The following PAK2 variants were observed in gnomAD, a reference collection of about 807,000 sequenced individuals.
The protein encoded by PAK2 is serine/threonine-protein kinase PAK 2.
In PAK2, 21 loss-of-function variants were observed where a neutral mutation model predicts 65.9. That is an observed-to-expected ratio of 0.32 (90% CI 0.23 to 0.46). The LOEUF (loss-of-function observed/expected upper bound fraction) is 0.46, where lower values mean the gene tolerates loss of function less well. Ranked by LOEUF, PAK2 falls within the 20% of genes least tolerant of loss-of-function variation. The pLI is 1.00. For missense variants in PAK2, 324 were observed against 642.6 expected (o/e 0.50, Z 5.36); for synonymous variants, 204 against 219.7 (o/e 0.93, Z 0.63).
intron 4 of PAK2, among the ~76,000 whole-genome samples, chr3:196,803,940 C>T (rs1214684357): frequency 3.9e-5 from 6 of 152,112 alleles, no homozygotes; most frequent in Non-Finnish European, 5.9e-5. Flanking sequence ...GTTCATACAA[C>T]GCAGTTGGTT....
chr3:196,778,123 T>C (rs1175724248), intron 1 of PAK2, among the ~76,000 whole-genome samples: 1 of 152,194 alleles, frequency 6.6e-6, no homozygotes, highest in African/African-American at 2.4e-5. Flanking sequence ...TGGATGCCCC[T>C]GTTCCGGACA....
At chr3:196,793,655 G>C (rs1266553076) in intron 2 of PAK2, among the ~76,000 whole-genome samples, 1 of 152,168 alleles carries the variant, frequency 6.6e-6, no homozygotes, top group Non-Finnish European at 1.5e-5. Context: ...ACTGCAGCCT[G>C]TGCATACACA....
chr3:196,811,305 CTT>C (rs1174222198), intron 8 of PAK2, among the ~76,000 whole-genome samples: 1 of 65,138 alleles, frequency 1.5e-5, no homozygotes, highest in Non-Finnish European at 3.0e-5. Flanking sequence ...CCCTCCCTTC[CTT>C]CCCTTCCTTT....
chr3:196,769,392 TACATA>T (rs1253372597), intron 1 of PAK2, among the ~76,000 whole-genome samples: 1 of 152,048 alleles, frequency 6.6e-6, no homozygotes, highest in Non-Finnish European at 1.5e-5. Context: ...TGGTGAAATA[TACATA>T]ACATAAAATG....
At position 196,830,386 on chromosome 3, in the gene PAK2, C is replaced by T. The variant is rs1206967673; in HGVS notation, c.*1981C>T. 1 of 152,174 alleles carries T rather than the reference C, an allele frequency of 6.6e-6. No individual in the cohort carries two copies. Among genetic ancestry groups the T allele is most frequent in the East Asian group, 1.9e-4 (1 of 5,192 alleles). 9.4% of individuals were successfully genotyped at this position (152,174 alleles called of 1,614,324 possible). On this transcript the variant is annotated 3_prime_UTR_variant, in exon 15 of 15. Coordinates refer to ENST00000327134, the MANE Select transcript of PAK2 (RefSeq NM_002577.4). ...TTCTGGCAGAAAGCTGCAGTGCCAC[C>T]TGAGTTCCAAATTTTACCATTCTTT...
intron 2 of PAK2, among the ~76,000 whole-genome samples, chr3:196,792,399 T>C (rs1041103144): frequency 6.6e-6 from 1 of 152,206 alleles, no homozygotes; most frequent in Non-Finnish European, 1.5e-5. Flanking sequence ...AGGTAATTTA[T>C]GATAGACGTA....
At chr3:196,812,994 G>C in intron 10 of PAK2, 143 bp downstream of exon 10, 3 of 577,766 alleles carry the variant, frequency 5.2e-6, no homozygotes, top group Non-Finnish European at 9.3e-6. Context: ...GGTAAAAATA[G>C]CACAGTGCAG....
chr3:196,804,213 A>C (rs1476528580), intron 4 of PAK2, among the ~76,000 whole-genome samples: 1 of 152,184 alleles, frequency 6.6e-6, no homozygotes, highest in Non-Finnish European at 1.5e-5. Context: ...TACTGTTTGC[A>C]TCCTCACAGA....
intron 1 of PAK2, among the ~76,000 whole-genome samples, chr3:196,750,174 G>C (rs889223223): frequency 1.3e-5 from 2 of 151,756 alleles, no homozygotes; most frequent in Non-Finnish European, 2.9e-5. Context: ...TTTTTTTGTA[G>C]AGATGGGATT....
chr3:196,817,155 A>ATT (rs1560117016), intron 11 of PAK2, among the ~76,000 whole-genome samples: 2 of 127,542 alleles, frequency 1.6e-5, no homozygotes, highest in Non-Finnish European at 3.3e-5. Context: ...TGAAAGAGGC[A>ATT]ATTTTTTTTT....
intron 1 of PAK2, among the ~76,000 whole-genome samples, chr3:196,740,731 C>T (rs1167919052): frequency 5.3e-5 from 8 of 152,162 alleles, no homozygotes; most frequent in Admixed American, 1.3e-4. Flanking sequence ...CGCTTACGAA[C>T]TGATCTTTCG....
In PAK2 at chr3:196,810,573, C is replaced by G. The variant is rs1158454252; in HGVS notation, c.710-17C>G. ...TTAAAATGCTTGACTGAGCTTCCAGCTTTTTGTTTATTCTAGGAACTATCG... is the reference window on the plus strand; with the variant it reads ...TTAAAATGCTTGACTGAGCTTCCAGGTTTTTGTTTATTCTAGGAACTATCG... On this transcript the variant is annotated splice_polypyrimidine_tract_variant and intron_variant, in intron 7 of 14. Transcript: ENST00000327134. 6.8e-7 allele frequency: 1 copy of G among 1,461,596 alleles called. No homozygotes were observed. The highest frequency in any genetic ancestry group is 9.6e-7 in the Non-Finnish European group (1 of 1,045,308). The allele number at this position is 1,461,596 out of a possible 1,614,324, so 90.5% of individuals were successfully genotyped here. A position where few individuals can be genotyped will look rare whatever the true frequency, so the allele number is the denominator to read the frequency against.
At chr3:196,816,469 T>G (rs1716031412) in intron 11 of PAK2, among the ~76,000 whole-genome samples, 1 of 152,194 alleles carries the variant, frequency 6.6e-6, no homozygotes, top group African/African-American at 2.4e-5. Context: ...TTCTAATACA[T>G]TTCTTTGTAA....
chr3:196,788,840 C>T (rs1560104710), intron 2 of PAK2, among the ~76,000 whole-genome samples: 1 of 152,160 alleles, frequency 6.6e-6, no homozygotes, highest in East Asian at 1.9e-4. Context: ...CTGAGTGCCG[C>T]CCGGTGTTAC....
chr3:196,744,891 C>T (rs910225025), intron 1 of PAK2, among the ~76,000 whole-genome samples: 2 of 151,784 alleles, frequency 1.3e-5, no homozygotes, highest in African/African-American at 4.8e-5. Context: ...TAAGTATTTC[C>T]ATTAAAACGA....
chr3:196,742,235 C>A (rs773413248), intron 1 of PAK2, among the ~76,000 whole-genome samples: 1 of 151,694 alleles, frequency 6.6e-6, no homozygotes, highest in Non-Finnish European at 1.5e-5. Context: ...ATTACAGGCA[C>A]GCGCCACCAC....
intron 4 of PAK2, 50 bp from the exon 5 acceptor site, chr3:196,805,302 A>G: frequency 2.0e-6 from 2 of 977,796 alleles, no homozygotes; most frequent in East Asian, 2.7e-5. Flanking sequence ...TTTATCATAT[A>G]AAAGTGCTGT....
chr3:196,748,399 G>C (rs1004080355), intron 1 of PAK2, among the ~76,000 whole-genome samples: 14 of 152,130 alleles, frequency 9.2e-5, no homozygotes, highest in African/African-American at 3.4e-4. Context: ...CATTCAGTGG[G>C]TTTTGACAAA....
chr3:196,810,434 A>G (rs1715738170), intron 7 of PAK2, among the ~76,000 whole-genome samples, 156 bp from the exon 8 acceptor site: 1 of 152,000 alleles, frequency 6.6e-6, no homozygotes, highest in South Asian at 2.1e-4. Flanking sequence ...AAGTTTCTTT[A>G]GTGTTTTGTG....
Sources: gnomAD v4.1 joint callset for allele counts (sites outside exome capture counted in the v4.1 genomes callset) on GRCh38, gnomAD v4.1.1 for gene constraint, MANE v1.5 for transcripts, NCBI Gene and HGNC (gene_info 2026-07-23, HGNC 2026-07-21) for gene names.